CEP192: variants seen among roughly 807,000 people sequenced by gnomAD.
CEP192 encodes centrosomal protein of 192 kDa.
CEP192 carries 151 observed loss-of-function variants against 271.8 expected under a neutral mutation model. The observed-to-expected ratio is 0.56, with a 90% CI of 0.49 to 0.64. The LOEUF (loss-of-function observed/expected upper bound fraction) is 0.64. Among genes scored for constraint, CEP192 ranks in the 30% least tolerant of loss-of-function variants. CEP192 has a pLI of 0.00. For synonymous variants in CEP192, 995 were observed against 1,076.5 expected, an observed-to-expected ratio of 0.92 and a Z score of 1.48; for missense variants, 2,910 against 3,020.5, an observed-to-expected ratio of 0.96 and a Z score of 0.86.
chr18:13,098,928 G>A (rs1000423774), intron 36 of CEP192, among the ~76,000 whole-genome samples: 9 of 152,280 alleles, frequency 5.9e-5, no homozygotes, highest in Non-Finnish European at 8.8e-5. Context: ...CTACAATCCC[G>A]GCACCTCGGG....
At position 13,065,690 on chromosome 18, in the gene CEP192, T is replaced by C. The variant is rs539412798; in HGVS notation, c.4489-2141T>C. Among the ~76,000 whole-genome samples the C allele has an allele frequency of 3.3e-5, 5 of 152,298 alleles. No individual in the cohort carries two copies. In the East Asian group the frequency reaches 7.7e-4, roughly 24 times the overall value. ...GGGAGGCTTTACAAGTTATATTCCATGCACTCTTTGGACAGAGTTCTAAAA... is the reference window on the plus strand; with the variant it reads ...GGGAGGCTTTACAAGTTATATTCCACGCACTCTTTGGACAGAGTTCTAAAA... On this transcript the variant is annotated intron_variant, in intron 21 of 44. Transcript: ENST00000506447.
Position 13,042,185 on chromosome 18 carries a change from T to C in CEP192, c.1937-19T>C, listed in dbSNP as rs2036244331. ...AAATAGTGTATACTTATAAGTTGAA[T>C]ATTATATATTTCCTGCAGGAGATTT... is the stretch of plus-strand genomic sequence containing the variant. On this transcript the variant is annotated intron_variant, in intron 14 of 44. Transcript: ENST00000506447. 2 of 1,602,650 alleles carry C rather than the reference T, an allele frequency of 1.2e-6. No individual in the cohort carries two copies.
intron 25 of CEP192, 47 bp from the exon 26 acceptor site, chr18:13,069,042 C>T: frequency 1.2e-6 from 2 of 1,614,006 alleles, no homozygotes. Flanking sequence ...ATGCTGATTT[C>T]ACTTTGTGAC....
chr18:12,991,692 C>G (rs1021022111), intron 1 of CEP192, among the ~76,000 whole-genome samples: 3 of 152,378 alleles, frequency 2.0e-5, no homozygotes, highest in Non-Finnish European at 4.4e-5. Context: ...GGGCTTTGGC[C>G]GGGCGTGATG....
intron 18 of CEP192, among the ~76,000 whole-genome samples, chr18:13,053,940 C>T (rs1225830155): frequency 6.6e-6 from 1 of 152,152 alleles, no homozygotes; most frequent in Admixed American, 6.5e-5. Context: ...GTTCCTTCTG[C>T]CTCGGCCTCT....
In CEP192 at chr18:13,017,123, A is replaced by G. The variant is rs117932226; in HGVS notation, c.641-65A>G. 4.7e-4 allele frequency: 617 copies of G among 1,326,172 alleles called. 5 individuals carry two copies. In the East Asian group the frequency reaches 9.7e-3, roughly 21 times the overall value. 82.2% of individuals were successfully genotyped at this position (1,326,172 alleles called of 1,614,324 possible). On this transcript the variant is annotated intron_variant, in intron 6 of 44. Coordinates refer to ENST00000506447, the MANE Select transcript of CEP192 (RefSeq NM_032142.4). The stretch of plus-strand genomic sequence containing the variant: ...CATTTATGTCTTATCGGCCTTTTTA[A>G]TTACAAATTATTGCTTAGTCACTAC...
At chr18:13,123,819 G>A (rs2040782691) in intron 44 of CEP192, among the ~76,000 whole-genome samples, 1 of 152,114 alleles carries the variant, frequency 6.6e-6, no homozygotes, top group Non-Finnish European at 1.5e-5. Flanking sequence ...CTTGTTACCT[G>A]CCTCTATATA....
rs141090870 is a variant in CEP192, at chr18:13,120,653, G to C, written c.7475+3010G>C. ...TAATGCTTTGAAGATAAATTTGAAT[G>C]AAATAATTTTATACTCTATTAGTGG... is the stretch of plus-strand genomic sequence containing the variant. On this transcript the variant is annotated intron_variant, in intron 44 of 44. Transcript: ENST00000506447. Among the ~76,000 whole-genome samples, 869 of 152,252 alleles carry C rather than the reference G, an allele frequency of 5.7e-3. 13 individuals are homozygous for C. Among genetic ancestry groups the C allele is most frequent in the African/African-American group, 0.02 (832 of 41,542 alleles).
chr18:13,104,322 A>C (rs537897908), intron 39 of CEP192, among the ~76,000 whole-genome samples: 2 of 138,678 alleles, frequency 1.4e-5, no homozygotes, highest in African/African-American at 4.9e-5. Flanking sequence ...CCTACTATCT[A>C]TGGCAGTAGT....
chr18:13,087,642 C>G lies in CEP192; in HGVS notation c.5989C>G (p.Arg1997Gly). The change falls in exon 32 of 45, where the codon CGC (arginine) becomes GGC (glycine). Residue 1997 changes from arginine (R) to glycine (G), a missense_variant. Arg to Gly is a moderately radical substitution (Grantham distance 125). Transcript: ENST00000506447. ...AGATGAAATTTCAAGACAGCAGTATCGCAGGTAGATTACTTATCTTACACA... is the reference window on the plus strand; with the variant it reads ...AGATGAAATTTCAAGACAGCAGTATGGCAGGTAGATTACTTATCTTACACA... ...GGDEISRQQY[R>G]RALLHKPEMI... 6.8e-7 allele frequency: 1 copy of G among 1,473,370 alleles called. No individual in the cohort carries two copies. Among genetic ancestry groups the G allele is most frequent in the Non-Finnish European group, 9.3e-7 (1 of 1,078,678 alleles). The allele number at this position is 1,473,370 out of a possible 1,614,324, so 91.3% of individuals were successfully genotyped here. A position where few individuals can be genotyped will look rare whatever the true frequency, so the allele number is the denominator to read the frequency against.
chr18:13,069,679 G>T, intron 26 of CEP192, 59 bp from the exon 27 acceptor site: 1 of 941,752 alleles, frequency 1.1e-6, no homozygotes, highest in South Asian at 1.4e-5. Context: ...AGGAGCCACT[G>T]AGCGAAAACT....
chr18:13,087,226 A>C lies in CEP192; in HGVS notation c.5826A>C (p.Lys1942Asn). 6.2e-7 allele frequency: 1 copy of C among 1,612,446 alleles called. No homozygotes were observed. The highest frequency in any genetic ancestry group is 1.1e-5 in the South Asian group (1 of 91,014). Residue 1942 changes from lysine (K) to asparagine (N), a missense_variant, in exon 31 of 45, where the codon AAA becomes AAC. Physicochemically the swap from Lys to Asn is moderately conservative, Grantham distance 94. Coordinates refer to ENST00000506447, the MANE Select transcript of CEP192 (RefSeq NM_032142.4). ...DSQKKVLLDP[K>N]VLRIFPDKFV... ...AGAAAAAAGTTTTGCTGGATCCTAA[A>C]GTATTGAGGATTTTTCCAGATAAAT...
chr18:13,030,419 AGTT>A (rs2035552480), intron 10 of CEP192, 43 bp from the exon 11 acceptor site: 1 of 1,450,608 alleles, frequency 6.9e-7, no homozygotes, highest in African/African-American at 1.4e-5. Flanking sequence ...TTGTCATTTT[AGTT>A]GTTACATGTG....
intron 17 of CEP192, among the ~76,000 whole-genome samples, 185 bp downstream of exon 17, chr18:13,050,076 T>C (rs1047538200): frequency 2.0e-5 from 3 of 152,166 alleles, no homozygotes; most frequent in African/African-American, 7.2e-5. Flanking sequence ...TTTTTTACTC[T>C]TTATAACAAT....
At chr18:13,122,840 TG>T (rs2040735139) in intron 44 of CEP192, among the ~76,000 whole-genome samples, 1 of 53,342 alleles carries the variant, frequency 1.9e-5, no homozygotes, top group African/African-American at 8.5e-5. Flanking sequence ...CCCGTGTGTG[TG>T]TGTGTGTGTG....
intron 17 of CEP192, 112 bp downstream of exon 17, chr18:13,050,003 C>T (rs2036692278): frequency 1.2e-6 from 1 of 821,092 alleles, no homozygotes; most frequent in South Asian, 2.2e-5. Flanking sequence ...TCAAAGGTAA[C>T]TCTTGTAAGC....
chr18:13,076,594 ATAAT>A lies in CEP192; in HGVS notation c.5616+3410_5616+3413del, dbSNP rs1457971129. 2.6e-5 allele frequency among the ~76,000 whole-genome samples: 4 copies of A among 152,338 alleles called. No homozygotes were observed. The South Asian group carries it at 8.3e-4, about 32-fold the overall frequency. ...CTTTGAAAATATAGGCAGAATACTT[ATAAT>A]GAGTGTTTTCAAAGGTACCTTTTCC... On this transcript the variant is annotated intron_variant, in intron 30 of 44. Coordinates refer to ENST00000506447, the MANE Select transcript of CEP192 (RefSeq NM_032142.4).
At chr18:12,997,906 G>A (rs1041506544) in intron 1 of CEP192, among the ~76,000 whole-genome samples, 4 of 152,010 alleles carry the variant, frequency 2.6e-5, no homozygotes, top group African/African-American at 9.7e-5. Flanking sequence ...TGTATTTTTA[G>A]TAGAGACGAG....
At chr18:13,065,203 C>T (rs966923967) in intron 21 of CEP192, among the ~76,000 whole-genome samples, 8 of 150,724 alleles carry the variant, frequency 5.3e-5, no homozygotes, top group Non-Finnish European at 8.9e-5. Flanking sequence ...TGGTCACTTA[C>T]TTTAATAACA....
Sources: allele counts gnomAD v4.1 joint callset (sites outside exome capture counted in the v4.1 genomes callset), GRCh38; gene constraint gnomAD v4.1.1; transcripts MANE v1.5; gene names NCBI Gene and HGNC (gene_info 2026-07-23, HGNC 2026-07-21).